Variants in GOLGA7 observed in about 807,000 individuals in gnomAD.
GOLGA7 encodes the protein golgin subfamily A member 7.
A neutral mutation model predicts 21.1 loss-of-function variants in GOLGA7; 10 were observed. The observed-to-expected ratio is 0.47, with a 90% CI of 0.29 to 0.80. GOLGA7 has a LOEUF of 0.80. Ranked by LOEUF, GOLGA7 falls within the 30% of genes least tolerant of loss-of-function variation. The pLI is 0.08. For synonymous variants in GOLGA7, 64 were observed against 62.6 expected, an observed-to-expected ratio of 1.02 and a Z score of -0.10; for missense variants, 114 against 166.8, an observed-to-expected ratio of 0.68 and a Z score of 1.74.
chr8:41,493,529 A>G (rs887602337), intron 1 of GOLGA7, among the ~76,000 whole-genome samples: 3 of 152,220 alleles, frequency 2.0e-5, no homozygotes, highest in Non-Finnish European at 4.4e-5. Flanking sequence ...TGCCAGAACA[A>G]TTCCTTAAAG....
In GOLGA7 at chr8:41,490,773, C is replaced by T. The variant is rs1805859945; in HGVS notation, c.-82C>T. 6 of 730,980 alleles carry T rather than the reference C, an allele frequency of 8.2e-6. No individual in the cohort carries two copies. Among genetic ancestry groups the T allele is most frequent in the African/African-American group, 1.7e-5 (1 of 57,470 alleles). The allele number at this position is 730,980 out of a possible 1,614,324, so 45.3% of individuals were successfully genotyped here. On this transcript the variant is annotated 5_prime_UTR_variant, in exon 1 of 5. An upstream open reading frame in the 5' UTR gains an earlier in-frame stop. Transcript: ENST00000357743. ...GGGTGGGGGCGAGGGGCTGGCGGGT[C>T]AGAGTCCCGGGTCCAGGCCGGGGCT...
intron 1 of GOLGA7, among the ~76,000 whole-genome samples, chr8:41,495,698 C>T (rs1380799496): frequency 4.0e-5 from 6 of 149,722 alleles, no homozygotes; most frequent in Non-Finnish European, 8.9e-5. Context: ...ATAAGGACTT[C>T]ATAAAAGAGA....
chr8:41,490,544 G>A (rs918168688), upstream of GOLGA7: 9 of 372,294 alleles, frequency 2.4e-5, no homozygotes, highest in South Asian at 1.3e-4. Context: ...GAGGGGCGGG[G>A]AAGAGGCTTT....
At chr8:41,496,311 C>T (rs1161977448) in intron 1 of GOLGA7, among the ~76,000 whole-genome samples, 1 of 151,932 alleles carries the variant, frequency 6.6e-6, no homozygotes, top group African/African-American at 2.4e-5. Context: ...TGTTGTGCGC[C>T]TGCATTTTGA....
intron 4 of GOLGA7, among the ~76,000 whole-genome samples, chr8:41,507,845 C>T (rs909212870): frequency 1.3e-5 from 2 of 152,180 alleles, no homozygotes; most frequent in Non-Finnish European, 2.9e-5. Context: ...TGCTGCTGCG[C>T]TTTTCTAGTT....
chr8:41,505,675 T>G (rs181491595), intron 2 of GOLGA7: 1 of 387,448 alleles, frequency 2.6e-6, no homozygotes, highest in African/African-American at 2.1e-5. Context: ...CATTGTATGC[T>G]TTTGCATTTA....
At chr8:41,506,882 C>T (rs1376304576) in intron 3 of GOLGA7, among the ~76,000 whole-genome samples, 177 bp from the exon 4 acceptor site, 2 of 152,172 alleles carry the variant, frequency 1.3e-5, no homozygotes, top group African/African-American at 4.8e-5. Flanking sequence ...ACTATAATTA[C>T]ATTTCTTAAA....
intron 1 of GOLGA7, 77 bp downstream of exon 1, chr8:41,491,042 A>T (rs969673890): frequency 9.1e-6 from 8 of 879,434 alleles, no homozygotes; most frequent in African/African-American, 1.7e-5. Flanking sequence ...GTGGGCGACA[A>T]CCGGGCCTTT....
In GOLGA7 at chr8:41,490,714, G is replaced by T. The variant is rs1805858478; in HGVS notation, c.-141G>T. ...GGTGACAGCATGGGTGAAGGGGAGCGGGGCAGAGGAGGCCTTGGGCTGTTT... is the reference window on the plus strand; with the variant it reads ...GGTGACAGCATGGGTGAAGGGGAGCTGGGCAGAGGAGGCCTTGGGCTGTTT... On this transcript the variant is annotated 5_prime_UTR_variant, in exon 1 of 5. Transcript: ENST00000357743. 2.3e-5 allele frequency: 14 copies of T among 597,184 alleles called. No homozygotes were observed. The highest frequency in any genetic ancestry group is 4.4e-4 in the Middle Eastern group (1 of 2,248). 37.0% of individuals were successfully genotyped at this position (597,184 alleles called of 1,614,324 possible).
intron 1 of GOLGA7, among the ~76,000 whole-genome samples, chr8:41,491,489 C>T (rs569990642): frequency 6.6e-6 from 1 of 152,238 alleles, no homozygotes; most frequent in Admixed American, 6.5e-5. Flanking sequence ...TTAAAGACGT[C>T]GGGCGTTAGA....
intron 2 of GOLGA7, chr8:41,502,442 A>T (rs1414934428): frequency 1.3e-5 from 2 of 152,352 alleles, no homozygotes; most frequent in South Asian, 2.1e-4. Flanking sequence ...TAGAACAATC[A>T]TGCATTTTTC....
chr8:41,507,537 A>G (rs1806314950), intron 4 of GOLGA7, among the ~76,000 whole-genome samples: 2 of 152,162 alleles, frequency 1.3e-5, no homozygotes, highest in Non-Finnish European at 2.9e-5. Flanking sequence ...TTCAGAGGGG[A>G]GTGGGGAGAT....
intron 1 of GOLGA7, among the ~76,000 whole-genome samples, chr8:41,491,455 G>A (rs1439508449): frequency 6.6e-6 from 1 of 152,186 alleles, no homozygotes; most frequent in Non-Finnish European, 1.5e-5. Flanking sequence ...TGGCCAGGCG[G>A]TGCGTTCAGG....
Position 41,501,993 on chromosome 8 carries a change from A to G in GOLGA7, c.265-3918A>G, listed in dbSNP as rs553286995. Among the ~76,000 whole-genome samples the G allele has an allele frequency of 2.6e-5, 4 of 152,304 alleles. No homozygotes were observed. The South Asian group carries it at 8.3e-4, about 32-fold the overall frequency. On this transcript the variant is annotated intron_variant, in intron 2 of 4. Coordinates refer to ENST00000357743, the MANE Select transcript of GOLGA7 (RefSeq NM_001002296.2). ...GTCTAAGCAAGGCCCCTTTCTTTTT[A>G]TAGAGCAAATGTTACAAAGCAAATA... is the stretch of plus-strand genomic sequence containing the variant.
rs1485508119 is a variant in GOLGA7, at chr8:41,510,111, TTAAGA to T, written c.*545_*549del. 1 of 152,684 alleles carries T rather than the reference TTAAGA, an allele frequency of 6.5e-6. No individual in the cohort carries two copies. Among genetic ancestry groups the T allele is most frequent in the Non-Finnish European group, 1.5e-5 (1 of 68,048 alleles). 9.5% of individuals were successfully genotyped at this position (152,684 alleles called of 1,614,324 possible). A position where few individuals can be genotyped will look rare whatever the true frequency, so the allele number is the denominator to read the frequency against. ...TACTGGTTTTACCATGACTCAAATC[TTAAGA>T]TCTGTTTCTACTATTCAGTTCCTCA... On this transcript the variant is annotated 3_prime_UTR_variant, in exon 5 of 5. Coordinates refer to ENST00000357743, the MANE Select transcript of GOLGA7 (RefSeq NM_001002296.2).
In GOLGA7 at chr8:41,490,860, G is replaced by A. The variant is rs1805863562; in HGVS notation, c.6G>A (p.Arg2=). The change falls in exon 1 of 5, where the codon AGG becomes AGA. Residue 2 remains arginine, a synonymous_variant. Transcript: ENST00000357743. M[R]PQQAPVSGKV... ...CGGGGTGTCCTGTCCTCGCCATGAGGCCGCAGCAGGCGCCGGTGTCCGGAA... is the reference window on the plus strand; with the variant it reads ...CGGGGTGTCCTGTCCTCGCCATGAGACCGCAGCAGGCGCCGGTGTCCGGAA... The A allele has an allele frequency of 1.9e-6, 3 of 1,587,300 alleles. No homozygotes were observed. The highest frequency in any genetic ancestry group is 2.6e-6 in the Non-Finnish European group (3 of 1,165,064).
chr8:41,500,367 A>T (rs1392066128), intron 2 of GOLGA7, among the ~76,000 whole-genome samples: 3 of 152,230 alleles, frequency 2.0e-5, no homozygotes, highest in Non-Finnish European at 4.4e-5. Context: ...AGGCAGAAAG[A>T]TGAACATACA....
At chr8:41,501,999 C>T (rs1430003067) in intron 2 of GOLGA7, among the ~76,000 whole-genome samples, 2 of 152,080 alleles carry the variant, frequency 1.3e-5, no homozygotes, top group African/African-American at 4.8e-5. Flanking sequence ...TTTTATAGAG[C>T]AAATGTTACA....
At chr8:41,491,440 G>A (rs530940368) in intron 1 of GOLGA7, among the ~76,000 whole-genome samples, 1 of 152,158 alleles carries the variant, frequency 6.6e-6, no homozygotes, top group Non-Finnish European at 1.5e-5. Context: ...GGTTTATTAG[G>A]TGCATGGCCA....
Sources: allele counts gnomAD v4.1 joint callset (sites outside exome capture counted in the v4.1 genomes callset), GRCh38; gene constraint gnomAD v4.1.1; transcripts MANE v1.5; gene names NCBI Gene and HGNC (gene_info 2026-07-23, HGNC 2026-07-21).